KLC1: variants seen among roughly 807,000 people sequenced by gnomAD.
KLC1 encodes the protein kinesin light chain 1.
Under a neutral mutation model 84.2 loss-of-function variants are expected in KLC1, and 30 were observed. That is an observed-to-expected ratio of 0.36 (90% CI 0.27 to 0.48). KLC1 has a LOEUF of 0.48. Ranked by LOEUF, KLC1 falls within the 20% of genes least tolerant of loss-of-function variation. The probability of loss-of-function intolerance (pLI) is 0.99; values close to 1 mark genes in which losing one functional copy is unlikely to be tolerated. For synonymous variants in KLC1, 289 were observed against 293.3 expected, an observed-to-expected ratio of 0.99 and a Z score of 0.15; for missense variants, 499 against 805.4, an observed-to-expected ratio of 0.62 and a Z score of 4.60.
At chr14:103,680,779 G>A (rs567438977) in intron 13 of KLC1, among the ~76,000 whole-genome samples, 2 of 152,294 alleles carry the variant, frequency 1.3e-5, no homozygotes, top group South Asian at 2.1e-4. Flanking sequence ...TGCATGCTTC[G>A]TATAGAAGGA....
chr14:103,697,243 T>C (rs940329562), intron 15 of KLC1: 3 of 441,922 alleles, frequency 6.8e-6, no homozygotes, highest in African/African-American at 6.4e-5. Flanking sequence ...TTCTTAACTT[T>C]AGGGTCATAG....
rs2082331232 is a variant in KLC1 at position 103,694,869 on chromosome 14, C to T, written c.1848+2444C>T. 1.3e-5 allele frequency: 13 copies of T among 985,492 alleles called. No individual in the cohort carries two copies. The highest frequency in any genetic ancestry group is 7.0e-5 in the African/African-American group (4 of 57,370). 61.0% of individuals were successfully genotyped at this position (985,492 alleles called of 1,614,324 possible). A position where few individuals can be genotyped will look rare whatever the true frequency, so the allele number is the denominator to read the frequency against. On this transcript the variant is annotated intron_variant, in intron 15 of 16. Coordinates refer to ENST00000334553, the MANE Select transcript of KLC1 (RefSeq NM_001394837.1). The surrounding 1 kb of genome is among the most constrained non-coding windows in gnomAD (Gnocchi z 4.5). ...GACTTTAAAATACCTTTCAAAGTTTCATCCCGCCTCATGTCGCAGGACTGC... is the reference window on the plus strand; with the variant it reads ...GACTTTAAAATACCTTTCAAAGTTTTATCCCGCCTCATGTCGCAGGACTGC...
chr14:103,638,835 TAGG>T (rs2077260410), intron 1 of KLC1, among the ~76,000 whole-genome samples: 2 of 151,300 alleles, frequency 1.3e-5, no homozygotes, highest in African/African-American at 2.4e-5. Context: ...TGTATGAACA[TAGG>T]GGTGTGTGTG....
chr14:103,655,689 A>G (rs1314740689), intron 2 of KLC1, among the ~76,000 whole-genome samples: 1 of 136,202 alleles, frequency 7.3e-6, no homozygotes, highest in African/African-American at 2.8e-5. Context: ...GATCACTGCA[A>G]CCTCTGTCCC....
chr14:103,653,031 C>G (rs1357870576), intron 1 of KLC1, among the ~76,000 whole-genome samples: 1 of 152,220 alleles, frequency 6.6e-6, no homozygotes, highest in African/African-American at 2.4e-5. Flanking sequence ...AGCTTTTCTT[C>G]CCTTCATGCA....
chr14:103,653,736 C>T (rs1195216399), intron 1 of KLC1, among the ~76,000 whole-genome samples: 2 of 152,198 alleles, frequency 1.3e-5, no homozygotes, highest in Non-Finnish European at 2.9e-5. Flanking sequence ...TGTAATCTTG[C>T]CTCCATCCCT....
intron 9 of KLC1, among the ~76,000 whole-genome samples, chr14:103,675,255 C>G (rs2080780514): frequency 6.6e-6 from 1 of 152,092 alleles, no homozygotes; most frequent in Non-Finnish European, 1.5e-5. Context: ...AACCCAGGAG[C>G]TGGAGGTTGC....
chr14:103,671,108 A>G (rs958677507), intron 7 of KLC1, among the ~76,000 whole-genome samples: 4 of 152,138 alleles, frequency 2.6e-5, no homozygotes, highest in Non-Finnish European at 4.4e-5. Flanking sequence ...GCTTGTCAAT[A>G]AGAAAAACAT....
chr14:103,653,315 C>A (rs2061976289), intron 1 of KLC1, among the ~76,000 whole-genome samples: 1 of 152,042 alleles, frequency 6.6e-6, no homozygotes, highest in Non-Finnish European at 1.5e-5. Context: ...GCTAATTTTA[C>A]TTCATTTATT....
chr14:103,654,119 T>C (rs950150458), intron 1 of KLC1, among the ~76,000 whole-genome samples: 1 of 152,200 alleles, frequency 6.6e-6, no homozygotes, highest in African/African-American at 2.4e-5. Flanking sequence ...CCATGTTCTT[T>C]GGCTGGTTTT....
Position 103,693,694 on chromosome 14 carries a change from C to A in KLC1, c.1848+1269C>A. 2 of 1,510,098 alleles carry A rather than the reference C, an allele frequency of 1.3e-6. No individual in the cohort carries two copies. The highest frequency in any genetic ancestry group is 2.4e-5 in the South Asian group (2 of 81,964). 93.5% of individuals were successfully genotyped at this position (1,510,098 alleles called of 1,614,324 possible). On this transcript the variant is annotated intron_variant, in intron 15 of 16. Transcript: ENST00000334553. This position sits in a 1 kb window ranked among gnomAD's most constrained non-coding sequence, Gnocchi z 5.1. ...CTGCCACGCCCCTCACCGCCCTGCCCGGAGGCGCCAGCCGCACTCCTTGGC... is the reference window on the plus strand; with the variant it reads ...CTGCCACGCCCCTCACCGCCCTGCCAGGAGGCGCCAGCCGCACTCCTTGGC...
intron 1 of KLC1, among the ~76,000 whole-genome samples, chr14:103,636,255 C>T (rs1372491336): frequency 6.6e-6 from 1 of 152,022 alleles, no homozygotes; most frequent in Admixed American, 6.6e-5. Context: ...GAGTTTCACT[C>T]TTGTTGCCCA....
At chr14:103,685,339 C>T in intron 13 of KLC1, 1 of 1,260,676 alleles carries the variant, frequency 7.9e-7, no homozygotes. Flanking sequence ...CCTTTTACAC[C>T]AAGTGTCAAG....
At chr14:103,685,995 G>C in intron 13 of KLC1, 8 of 1,096,542 alleles carry the variant, frequency 7.3e-6, no homozygotes, top group Non-Finnish European at 8.9e-6. Context: ...ACGGTGACCT[G>C]TTGACGTAAC....
intron 1 of KLC1, among the ~76,000 whole-genome samples, chr14:103,642,837 G>A (rs920652658): frequency 3.4e-5 from 5 of 148,590 alleles, no homozygotes; most frequent in African/African-American, 5.0e-5. Context: ...GCGTGATCTC[G>A]GCTCACTGCA....
At chr14:103,673,611 A>T (rs1002748526) in intron 9 of KLC1, among the ~76,000 whole-genome samples, 180 bp downstream of exon 9, 1 of 152,132 alleles carries the variant, frequency 6.6e-6, no homozygotes, top group Non-Finnish European at 1.5e-5. Context: ...CGGGTCAAAC[A>T]TTACCCCATT....
chr14:103,695,735 A>G (rs2082415343), intron 15 of KLC1: 3 of 985,454 alleles, frequency 3.0e-6, no homozygotes, highest in Non-Finnish European at 3.6e-6. Flanking sequence ...GCTTCCAGCC[A>G]TGGGACTTTA....
At chr14:103,677,557 G>A (rs2081003435) in intron 12 of KLC1, 34 bp downstream of exon 12, 1 of 1,297,392 alleles carries the variant, frequency 7.7e-7, no homozygotes, top group Non-Finnish European at 1.1e-6. Flanking sequence ...CCGGCCCATG[G>A]GAACTTTGAA....
chr14:103,644,661 A>G (rs1389180072), intron 1 of KLC1, among the ~76,000 whole-genome samples: 1 of 152,098 alleles, frequency 6.6e-6, no homozygotes, highest in Non-Finnish European at 1.5e-5. Flanking sequence ...TGGGAGGCCG[A>G]GGTAGGAGGA....
Sources: allele counts gnomAD v4.1 joint callset (sites outside exome capture counted in the v4.1 genomes callset), GRCh38; gene constraint gnomAD v4.1.1; non-coding constraint Gnocchi (gnomAD v3.1); transcripts MANE v1.5; gene names NCBI Gene and HGNC (gene_info 2026-07-23, HGNC 2026-07-21).